TMPRSS11A: variants seen among roughly 807,000 people sequenced by gnomAD.
TMPRSS11A encodes the protein transmembrane protease serine 11A.
In TMPRSS11A, 53 loss-of-function variants were observed where a neutral mutation model predicts 58.9. The observed-to-expected ratio is 0.90, with a 90% CI of 0.72 to 1.13. The LOEUF (loss-of-function observed/expected upper bound fraction) is 1.13. Among genes scored for constraint, TMPRSS11A ranks in the 50% most tolerant of loss-of-function variants. The probability of loss-of-function intolerance (pLI) is 0.00; values close to 1 mark genes in which losing one functional copy is unlikely to be tolerated. For missense variants in TMPRSS11A, 493 were observed against 499.3 expected, an observed-to-expected ratio of 0.99 and a Z score of 0.12; for synonymous variants, 167 against 169.8, an observed-to-expected ratio of 0.98 and a Z score of 0.13.
rs184137529 is a variant in TMPRSS11A, at chr4:67,953,818, T to C, written c.12-7247A>G. Among the ~76,000 whole-genome samples, 5 of 152,184 alleles carry C rather than the reference T, an allele frequency of 3.3e-5. No individual in the cohort carries two copies. The East Asian group carries it at 7.7e-4, about 23-fold the overall frequency. Reference sequence around the variant, plus strand: ...CTCAAAAAAAAAAAATAGTATTTCTTGGGATCCTTCTGTTCCACAGAACAG... The same window carrying C: ...CTCAAAAAAAAAAAATAGTATTTCTCGGGATCCTTCTGTTCCACAGAACAG... On this transcript the variant is annotated intron_variant, in intron 1 of 9. Coordinates refer to ENST00000508048, the MANE Select transcript of TMPRSS11A (RefSeq NM_001114387.2).
chr4:67,911,608 G>T, intron 9 of TMPRSS11A, 105 bp from the exon 10 acceptor site: 1 of 758,228 alleles, frequency 1.3e-6, no homozygotes, highest in Non-Finnish European at 2.1e-6. Flanking sequence ...GACAGTACAT[G>T]TATAGACTAT....
At chr4:67,943,390 T>C (rs1720925187) in intron 3 of TMPRSS11A, among the ~76,000 whole-genome samples, 1 of 152,182 alleles carries the variant, frequency 6.6e-6, no homozygotes, top group Non-Finnish European at 1.5e-5. Context: ...AATTGTAACA[T>C]TTTCCATCAT....
chr4:67,960,866 A>C (rs757952283), intron 1 of TMPRSS11A, among the ~76,000 whole-genome samples: 1 of 152,232 alleles, frequency 6.6e-6, no homozygotes, highest in East Asian at 1.9e-4. Context: ...TTATTAAACA[A>C]TGCTGAAAAT....
chr4:67,960,242 A>T (rs1322050557), intron 1 of TMPRSS11A, among the ~76,000 whole-genome samples: 1 of 152,224 alleles, frequency 6.6e-6, no homozygotes, highest in Non-Finnish European at 1.5e-5. Context: ...CAATATATCT[A>T]TGTAACAAAC....
At chr4:67,914,791 G>A (rs1001961026) in intron 8 of TMPRSS11A, 61 bp from the exon 9 acceptor site, 20 of 1,428,012 alleles carry the variant, frequency 1.4e-5, no homozygotes, top group African/African-American at 5.7e-5. Flanking sequence ...AGAGTGAAGT[G>A]AGCAGACTTT....
chr4:67,933,349 C>G (rs1281661585), intron 3 of TMPRSS11A, among the ~76,000 whole-genome samples: 1 of 152,184 alleles, frequency 6.6e-6, no homozygotes, highest in Non-Finnish European at 1.5e-5. Context: ...TAAGCTGGGA[C>G]TGAAACCCAA....
At chr4:67,920,463 T>C (rs1461079223) in intron 7 of TMPRSS11A, among the ~76,000 whole-genome samples, 1 of 149,958 alleles carries the variant, frequency 6.7e-6, no homozygotes, top group African/African-American at 2.4e-5. Flanking sequence ...AAGTCTCGAA[T>C]GTTCAGAGAA....
At chr4:67,961,482 CCTT>C (rs1721419229) in intron 1 of TMPRSS11A, among the ~76,000 whole-genome samples, 8 of 102,454 alleles carry the variant, frequency 7.8e-5, no homozygotes, top group African/African-American at 3.3e-4. Flanking sequence ...CTTTTCTTTT[CCTT>C]TTTTTTTTTT....
At chr4:67,947,057 A>C (rs1441714818) in intron 1 of TMPRSS11A, among the ~76,000 whole-genome samples, 1 of 152,154 alleles carries the variant, frequency 6.6e-6, no homozygotes, top group Non-Finnish European at 1.5e-5. Flanking sequence ...TATATATCAC[A>C]TTATTATATC....
rs1040909816 is a variant in TMPRSS11A at position 67,963,345 on chromosome 4, C to T, written c.11+38G>A. On this transcript the variant is annotated intron_variant, in intron 1 of 9. Coordinates refer to ENST00000508048, the MANE Select transcript of TMPRSS11A (RefSeq NM_001114387.2). The stretch of plus-strand genomic sequence containing the variant: ...GGAATCCGGCCACTGACAGACAGTA[C>T]ATCAAACAAGCCATCTATAAAACAG... 13 of 1,611,708 alleles carry T rather than the reference C, an allele frequency of 8.1e-6. No homozygotes were observed. The Admixed American group carries it at 8.4e-5, about 10-fold the overall frequency.
At position 67,919,252 on chromosome 4, in the gene TMPRSS11A, A is replaced by T; in HGVS notation, c.693-20T>A. 6.2e-7 allele frequency: 1 copy of T among 1,610,640 alleles called. No homozygotes were observed. Among genetic ancestry groups the T allele is most frequent in the Non-Finnish European group, 8.5e-7 (1 of 1,178,000 alleles). On this transcript the variant is annotated intron_variant, in intron 7 of 9. Coordinates refer to ENST00000508048, the MANE Select transcript of TMPRSS11A (RefSeq NM_001114387.2). Reference sequence around the variant, plus strand: ...TTATACCTGGAAAAGGTTAGAAATTAACAGAATATATATAAGCTGCCCAAA... The same window carrying T: ...TTATACCTGGAAAAGGTTAGAAATTTACAGAATATATATAAGCTGCCCAAA...
chr4:67,930,958 C>T (rs1414714313), intron 4 of TMPRSS11A, among the ~76,000 whole-genome samples: 1 of 151,414 alleles, frequency 6.6e-6, no homozygotes, highest in East Asian at 1.9e-4. Flanking sequence ...ATCTAAATAA[C>T]TAGAATTTTA....
intron 5 of TMPRSS11A, among the ~76,000 whole-genome samples, chr4:67,928,697 G>A (rs187185529): frequency 2.0e-5 from 3 of 152,298 alleles, no homozygotes; most frequent in Non-Finnish European, 4.4e-5. Context: ...TCCCTAAGTA[G>A]CTGACTCGTT....
chr4:67,955,350 G>C (rs918810254), intron 1 of TMPRSS11A, among the ~76,000 whole-genome samples: 1 of 152,192 alleles, frequency 6.6e-6, no homozygotes, highest in Non-Finnish European at 1.5e-5. Context: ...ATTCGTGTGT[G>C]TTTATGTTTG....
At chr4:67,959,173 T>C (rs916577242) in intron 1 of TMPRSS11A, among the ~76,000 whole-genome samples, 1 of 152,230 alleles carries the variant, frequency 6.6e-6, no homozygotes, top group African/African-American at 2.4e-5. Flanking sequence ...TAAATCTGAA[T>C]GATAAGCACA....
intron 3 of TMPRSS11A, among the ~76,000 whole-genome samples, chr4:67,939,798 C>T (rs376131024): frequency 2.0e-4 from 30 of 152,276 alleles, no homozygotes; most frequent in Non-Finnish European, 3.5e-4. Context: ...AAGTGATTCT[C>T]CTGCCTCAGC....
intron 3 of TMPRSS11A, among the ~76,000 whole-genome samples, chr4:67,938,655 T>C (rs534692635): frequency 5.3e-5 from 8 of 152,322 alleles, no homozygotes; most frequent in African/African-American, 1.7e-4. Flanking sequence ...GCACCATTTA[T>C]TGAATAGAAA....
chr4:67,958,520 T>C (rs780166988), intron 1 of TMPRSS11A, among the ~76,000 whole-genome samples: 20 of 152,238 alleles, frequency 1.3e-4, no homozygotes, highest in Non-Finnish European at 2.6e-4. Context: ...CCAATTTCTC[T>C]GATTTGGAAT....
At chr4:67,934,048 T>C (rs1720693194) in intron 3 of TMPRSS11A, among the ~76,000 whole-genome samples, 1 of 152,178 alleles carries the variant, frequency 6.6e-6, no homozygotes, top group Admixed American at 6.6e-5. Context: ...AGATAGGAGC[T>C]GTAAAAATAA....
Sources: allele counts gnomAD v4.1 joint callset (sites outside exome capture counted in the v4.1 genomes callset), GRCh38; gene constraint gnomAD v4.1.1; transcripts MANE v1.5; gene names NCBI Gene and HGNC (gene_info 2026-07-23, HGNC 2026-07-21).